The following ERBB4 variants were observed in gnomAD, a reference collection of about 807,000 sequenced individuals.
ERBB4 encodes receptor tyrosine-protein kinase erbB-4.
Under a neutral mutation model 158.0 loss-of-function variants are expected in ERBB4, and 42 were observed. That is an observed-to-expected ratio of 0.27 (90% CI 0.21 to 0.34). The LOEUF is 0.34. Among genes scored for constraint, ERBB4 ranks in the 10% least tolerant of loss-of-function variants. The probability of loss-of-function intolerance (pLI) is 1.00; values close to 1 mark genes in which losing one functional copy is unlikely to be tolerated. For missense variants in ERBB4, 1,333 were observed against 1,624.1 expected, an observed-to-expected ratio of 0.82 and a Z score of 3.08; for synonymous variants, 583 against 558.7, an observed-to-expected ratio of 1.04 and a Z score of -0.61.
At chr2:212,535,140 G>T (rs1191835391) in intron 1 of ERBB4, among the ~76,000 whole-genome samples, 1 of 152,000 alleles carries the variant, frequency 6.6e-6, no homozygotes, top group Non-Finnish European at 1.5e-5. Context: ...CAACAGAACA[G>T]TTATAGTATT....
At chr2:212,393,710 G>A (rs551796926) in intron 1 of ERBB4, among the ~76,000 whole-genome samples, 66 of 152,178 alleles carry the variant, frequency 4.3e-4, no homozygotes, top group African/African-American at 1.5e-3. Flanking sequence ...ACCAGACCCC[G>A]AAATAAAATC....
At chr2:211,924,921 C>A (rs1483751317) in intron 3 of ERBB4, among the ~76,000 whole-genome samples, 1 of 152,098 alleles carries the variant, frequency 6.6e-6, no homozygotes, top group East Asian at 1.9e-4. Flanking sequence ...ATTTTCAAAT[C>A]TTTGTATGGA....
chr2:211,666,929 T>C (rs1385728184), intron 14 of ERBB4, among the ~76,000 whole-genome samples: 2 of 152,158 alleles, frequency 1.3e-5, no homozygotes, highest in South Asian at 2.1e-4. Context: ...GAGTTAACAC[T>C]AAGTTATAAA....
intron 1 of ERBB4, among the ~76,000 whole-genome samples, chr2:212,530,044 C>G (rs1320211169): frequency 1.3e-5 from 2 of 151,990 alleles, no homozygotes; most frequent in Non-Finnish European, 1.5e-5. Context: ...TTGAACATTA[C>G]AAGAGGGATC....
intron 1 of ERBB4, among the ~76,000 whole-genome samples, chr2:212,177,592 A>G (rs559040172): frequency 1.3e-5 from 2 of 151,878 alleles, no homozygotes; most frequent in African/African-American, 4.8e-5. Flanking sequence ...CTCATGCTGA[A>G]GGTTCACTTT....
In ERBB4 at chr2:212,351,666, C is replaced by T. The variant is rs113834106; in HGVS notation, c.82+186783G>A. Among the ~76,000 whole-genome samples the T allele has an allele frequency of 5.6e-3, 848 of 152,216 alleles. 6 individuals carry two copies. Among genetic ancestry groups the T allele is most frequent in the Middle Eastern group, 0.014 (4 of 294 alleles). ...ATCAGTTCTGTCATCATGCTAACCA[C>T]GTTTCAAGTGTTTAATAACCACAAT... On this transcript the variant is annotated intron_variant, in intron 1 of 27. Transcript: ENST00000342788.
chr2:211,984,046 A>C (rs1483820584), intron 2 of ERBB4, among the ~76,000 whole-genome samples: 1 of 152,192 alleles, frequency 6.6e-6, no homozygotes, highest in African/African-American at 2.4e-5. Flanking sequence ...TGGAAAATCT[A>C]AGATAAAATC....
At chr2:211,705,234 G>C in intron 10 of ERBB4, 84 bp downstream of exon 10, 1 of 948,734 alleles carries the variant, frequency 1.1e-6, no homozygotes, top group Non-Finnish European at 1.7e-6. Flanking sequence ...TTACTGGTGT[G>C]AGCCACGATG....
At chr2:211,422,139 C>T (rs759334143) in intron 23 of ERBB4, 35 bp from the exon 24 acceptor site, 5 of 1,320,836 alleles carry the variant, frequency 3.8e-6, no homozygotes, top group South Asian at 2.3e-5. Flanking sequence ...TCACTATATT[C>T]GTAACTAGAA....
At chr2:211,804,227 G>A (rs1376634840) in intron 3 of ERBB4, among the ~76,000 whole-genome samples, 1 of 152,134 alleles carries the variant, frequency 6.6e-6, no homozygotes, top group African/African-American at 2.4e-5. Context: ...AAAATCTAAA[G>A]ATTAGAGGGA....
intron 1 of ERBB4, among the ~76,000 whole-genome samples, chr2:212,456,658 T>A (rs554790143): frequency 3.2e-4 from 49 of 152,140 alleles, no homozygotes; most frequent in African/African-American, 1.1e-3. Flanking sequence ...AACTCATGAT[T>A]AAAATAACAG....
chr2:212,352,336 AAAC>A (rs1295328095), intron 1 of ERBB4, among the ~76,000 whole-genome samples: 1 of 151,922 alleles, frequency 6.6e-6, no homozygotes, highest in African/African-American at 2.4e-5. Context: ...AAAAAAAAAA[AAAC>A]ACTTTATTTT....
chr2:212,012,913 C>T (rs2125309946), intron 2 of ERBB4, among the ~76,000 whole-genome samples: 1 of 151,962 alleles, frequency 6.6e-6, no homozygotes, highest in Middle Eastern at 3.4e-3. Context: ...CCTGGTCAAC[C>T]TGTTGATTTT....
At chr2:211,675,060 A>T (rs1253703192) in intron 13 of ERBB4, among the ~76,000 whole-genome samples, 1 of 151,978 alleles carries the variant, frequency 6.6e-6, no homozygotes, top group Non-Finnish European at 1.5e-5. Context: ...GGCAATCTCT[A>T]TTACTTCTTC....
At chr2:211,952,525 G>C (rs1266486340) in intron 2 of ERBB4, among the ~76,000 whole-genome samples, 1 of 152,012 alleles carries the variant, frequency 6.6e-6, no homozygotes, top group Admixed American at 6.6e-5. Context: ...ATTTTCCACT[G>C]TTTTAGAAAA....
intron 20 of ERBB4, among the ~76,000 whole-genome samples, chr2:211,556,352 C>T (rs996480444): frequency 3.3e-5 from 5 of 152,082 alleles, no homozygotes; most frequent in African/African-American, 4.8e-5. Context: ...AACTTCAATA[C>T]CCCACTGACA....
At chr2:212,253,930 T>C (rs543981436) in intron 1 of ERBB4, among the ~76,000 whole-genome samples, 2 of 152,146 alleles carry the variant, frequency 1.3e-5, no homozygotes, top group African/African-American at 2.4e-5. Flanking sequence ...AGTATGTTAC[T>C]GTACTGAATA....
At chr2:211,926,998 T>G (rs540845258) in intron 3 of ERBB4, among the ~76,000 whole-genome samples, 5 of 152,320 alleles carry the variant, frequency 3.3e-5, no homozygotes, top group African/African-American at 9.6e-5. Flanking sequence ...GAAGTATTAC[T>G]CTAGTGAGAA....
intron 1 of ERBB4, among the ~76,000 whole-genome samples, chr2:212,413,966 T>C (rs1202426129): frequency 6.6e-6 from 1 of 152,188 alleles, no homozygotes; most frequent in Non-Finnish European, 1.5e-5. Flanking sequence ...GTTTTATTCA[T>C]CTGTGAAATA....
Sources: allele counts gnomAD v4.1 joint callset (sites outside exome capture counted in the v4.1 genomes callset), GRCh38; gene constraint gnomAD v4.1.1; transcripts MANE v1.5; gene names NCBI Gene and HGNC (gene_info 2026-07-23, HGNC 2026-07-21).